The following CC2D2A variants were observed in gnomAD, a reference collection of about 807,000 sequenced individuals.
CC2D2A encodes coiled-coil and C2 domain containing 2A.
Under a neutral mutation model 212.9 loss-of-function variants are expected in CC2D2A, and 155 were observed. The ratio of observed to expected loss-of-function variants is 0.73; its 90% CI spans 0.64 to 0.83. CC2D2A has a LOEUF of 0.83. Among genes scored for constraint, CC2D2A ranks in the 40% least tolerant of loss-of-function variants. CC2D2A has a pLI of 0.00. For missense variants in CC2D2A, 1,856 were observed against 1,956.2 expected, an observed-to-expected ratio of 0.95 and a Z score of 0.97; for synonymous variants, 667 against 686.5, an observed-to-expected ratio of 0.97 and a Z score of 0.44.
Position 15,573,598 on chromosome 4 carries a change from G to A in CC2D2A, c.3595-552G>A, listed in dbSNP as rs145341543. Among the ~76,000 whole-genome samples, 772 of 152,230 alleles carry A rather than the reference G, an allele frequency of 5.1e-3. 5 individuals are homozygous for A. Among genetic ancestry groups the A allele is most frequent in the African/African-American group, 0.018 (731 of 41,532 alleles). On this transcript the variant is annotated intron_variant, in intron 28 of 36. Transcript: ENST00000424120. Reference sequence around the variant, plus strand: ...GAGCCACTGTGCCTGGCCTGCCATCGTTTTTATACTCTTGTTTTCCTGTAT... The same window carrying A: ...GAGCCACTGTGCCTGGCCTGCCATCATTTTTATACTCTTGTTTTCCTGTAT...
At chr4:15,597,801 G>A (rs1299017661) in intron 35 of CC2D2A, among the ~76,000 whole-genome samples, 2 of 152,174 alleles carry the variant, frequency 1.3e-5, no homozygotes, top group Middle Eastern at 6.3e-3. Context: ...CTATTGAACT[G>A]CAGCTAGTTT....
At chr4:15,557,224 G>A (rs1393243842) in intron 20 of CC2D2A, 80 bp from the exon 21 acceptor site, 10 of 840,338 alleles carry the variant, frequency 1.2e-5, no homozygotes, top group East Asian at 4.9e-5. Context: ...ACTGTTAAAT[G>A]TTCCTTGACA....
intron 13 of CC2D2A, among the ~76,000 whole-genome samples, chr4:15,532,037 C>A (rs546716072): frequency 6.6e-6 from 1 of 152,254 alleles, no homozygotes; most frequent in South Asian, 2.1e-4. Context: ...CTACCATACC[C>A]ATTTTACAGA....
chr4:15,600,395 C>T (rs192460530), intron 36 of CC2D2A, among the ~76,000 whole-genome samples: 115 of 152,346 alleles, frequency 7.5e-4, no homozygotes, highest in Non-Finnish European at 1.3e-3. Flanking sequence ...TCCTCCCATT[C>T]TGCCCTCCTC....
chr4:15,470,346 T>C (rs939756509), intron 1 of CC2D2A, among the ~76,000 whole-genome samples: 2 of 152,132 alleles, frequency 1.3e-5, no homozygotes, highest in Non-Finnish European at 2.9e-5. Context: ...CTGTGAAACA[T>C]TAGCTGCGTG....
chr4:15,560,477 T>C, intron 22 of CC2D2A, 54 bp from the exon 23 acceptor site: 1 of 902,668 alleles, frequency 1.1e-6, no homozygotes, highest in Non-Finnish European at 1.7e-6. Flanking sequence ...GTGTGGAGAG[T>C]GAACTACGAA....
chr4:15,520,679 C>T (rs535686387), intron 11 of CC2D2A, among the ~76,000 whole-genome samples: 2 of 152,308 alleles, frequency 1.3e-5, no homozygotes, highest in East Asian at 3.9e-4. Context: ...CCACTTGAAC[C>T]CAAGACCAGA....
In CC2D2A at chr4:15,570,450, T is replaced by G; in HGVS notation, c.3548T>G (p.Leu1183Arg). 6.2e-7 allele frequency: 1 copy of G among 1,608,890 alleles called. No homozygotes were observed. The highest frequency in any genetic ancestry group is 1.1e-5 in the South Asian group (1 of 89,954). Residue 1183 changes from leucine (L) to arginine (R), a missense_variant, in exon 28 of 37, where the codon CTG (leucine) becomes CGG (arginine). Leu to Arg is a moderately radical substitution (Grantham distance 102, BLOSUM62 -2). Around this residue, in one of 5 missense-constraint regions of CC2D2A, gnomAD observed 1,512 missense variants for 1,579.3 expected, o/e 0.96. Coordinates refer to ENST00000424120, the MANE Select transcript of CC2D2A (RefSeq NM_001378615.1). ...CATACTCGTATTGAGAGACACTGGC[T>G]GGGATGTGTGAAAATGCCATTTAGC... ...GIHTRIERHW[L>R]GCVKMPFSTI...
At chr4:15,531,395 A>C (rs770941354) in intron 13 of CC2D2A, among the ~76,000 whole-genome samples, 2 of 152,118 alleles carry the variant, frequency 1.3e-5, no homozygotes, top group African/African-American at 2.4e-5. Context: ...TCATTCTTTG[A>C]CCATCATTCT....
Position 15,510,214 on chromosome 4 carries a change from G to A in CC2D2A, c.514G>A (p.Ala172Thr). The A allele has an allele frequency of 6.2e-7, 1 of 1,611,440 alleles. No individual in the cohort carries two copies. The highest frequency in any genetic ancestry group is 8.5e-7 in the Non-Finnish European group (1 of 1,179,196). The change falls in exon 7 of 37, where the codon GCA becomes ACA. Residue 172 changes from alanine to threonine, a missense_variant. Transcript: ENST00000424120. The part of the protein sequence containing the change: ...SYSRVKFHDS[A>T]RKIKPKPQVP... The stretch of plus-strand genomic sequence containing the variant: ...CTCAAGAGTCAAGTTCCATGATTCT[G>A]CACGAAAAATCAAGCCTAAACCCCA...
chr4:15,476,317 A>C (rs1335236004), intron 2 of CC2D2A, among the ~76,000 whole-genome samples: 2 of 152,228 alleles, frequency 1.3e-5, no homozygotes, highest in African/African-American at 4.8e-5. Flanking sequence ...TGATTGATTG[A>C]CACTCAGCTG....
chr4:15,526,552 T>C (rs1312843251), intron 11 of CC2D2A, among the ~76,000 whole-genome samples: 2 of 152,240 alleles, frequency 1.3e-5, no homozygotes. Flanking sequence ...AGCTCATGAT[T>C]TGTAAATAAT....
chr4:15,523,095 CAA>C (rs1358466628), intron 11 of CC2D2A, among the ~76,000 whole-genome samples: 1 of 146,326 alleles, frequency 6.8e-6, no homozygotes, highest in Non-Finnish European at 1.5e-5. Flanking sequence ...ACCTGGGTGA[CAA>C]GAGCAAAACT....
intron 23 of CC2D2A, among the ~76,000 whole-genome samples, chr4:15,562,669 A>G (rs538277241): frequency 2.0e-4 from 30 of 152,314 alleles, no homozygotes; most frequent in African/African-American, 7.2e-4. Context: ...TCCTTATTCA[A>G]TCCCTTCAAC....
chr4:15,555,049 A>G (rs776035263), intron 19 of CC2D2A, 23 bp from the exon 20 acceptor site: 2 of 1,597,414 alleles, frequency 1.3e-6, no homozygotes, highest in African/African-American at 2.7e-5. Flanking sequence ...AGTCAGTCTC[A>G]TGGAATCAAC....
chr4:15,550,359 A>T (rs749354279), intron 17 of CC2D2A, among the ~76,000 whole-genome samples: 3 of 152,176 alleles, frequency 2.0e-5, no homozygotes, highest in Non-Finnish European at 4.4e-5. Flanking sequence ...TAAAAATGTA[A>T]CACTCTGGAG....
intron 33 of CC2D2A, among the ~76,000 whole-genome samples, chr4:15,594,658 G>A (rs375348115): frequency 7.9e-5 from 12 of 152,308 alleles, no homozygotes; most frequent in Middle Eastern, 3.4e-3. Flanking sequence ...GAGTGCAAAA[G>A]TGTATTTTTT....
intron 21 of CC2D2A, among the ~76,000 whole-genome samples, chr4:15,558,397 C>G (rs1719397411): frequency 1.3e-5 from 2 of 152,128 alleles, no homozygotes; most frequent in Non-Finnish European, 2.9e-5. Context: ...GATGAAATCT[C>G]AAAATAGCAT....
intron 17 of CC2D2A, among the ~76,000 whole-genome samples, chr4:15,547,811 G>A (rs1192533430): frequency 1.3e-5 from 2 of 152,078 alleles, no homozygotes; most frequent in Non-Finnish European, 2.9e-5. Context: ...AGGTCATGGC[G>A]GGTGGATCAC....
Sources: gnomAD v4.1 joint callset for allele counts (sites outside exome capture counted in the v4.1 genomes callset) on GRCh38, gnomAD v4.1.1 for gene constraint, gnomAD v4.1.1 regional missense constraint, MANE v1.5 for transcripts, NCBI Gene and HGNC (gene_info 2026-07-23, HGNC 2026-07-21) for gene names.